The following EFCAB6 variants were observed in gnomAD, a reference collection of about 807,000 sequenced individuals.
EFCAB6 encodes EF-hand calcium binding domain 6.
In EFCAB6, 156 loss-of-function variants were observed where a neutral mutation model predicts 169.8. The ratio of observed to expected loss-of-function variants is 0.92; its 90% confidence interval spans 0.81 to 1.05. EFCAB6 has a LOEUF of 1.05. Ranked by LOEUF, EFCAB6 falls within the 50% of genes least tolerant of loss-of-function variation. The pLI, the probability that EFCAB6 is intolerant of heterozygous loss-of-function variation, is 0.00. For missense variants in EFCAB6, 1,800 were observed against 1,829.1 expected (o/e 0.98, Z 0.29); for synonymous variants, 698 against 676.4 (o/e 1.03, Z -0.50).
intron 2 of EFCAB6, among the ~76,000 whole-genome samples, chr22:43,790,861 A>G (rs377035903): frequency 4.6e-5 from 7 of 152,350 alleles, no homozygotes; most frequent in Admixed American, 6.5e-5. Context: ...ATCAGATTCC[A>G]GCCACATTCT....
Position 43,596,816 on chromosome 22 carries a change from A to G in EFCAB6, c.2876+3253T>C, listed in dbSNP as rs2052047669. ...AAAGCAATCCTAAGCAAAAAGAACA[A>G]AGCTAGAGGCATCACGCTACCTGAT... On this transcript the variant is annotated intron_variant, in intron 23 of 31. Coordinates refer to ENST00000262726, the MANE Select transcript of EFCAB6 (RefSeq NM_022785.4). Among the ~76,000 whole-genome samples the G allele has an allele frequency of 2.6e-5, 4 of 152,176 alleles. No individual in the cohort carries two copies. The South Asian group carries it at 8.3e-4, about 32-fold the overall frequency.
chr22:43,673,072 T>TG (rs1404935613), intron 13 of EFCAB6, among the ~76,000 whole-genome samples: 6 of 152,004 alleles, frequency 3.9e-5, no homozygotes, highest in Admixed American at 3.9e-4. Context: ...ATGGTGGGAG[T>TG]GTAAACTGAT....
chr22:43,744,080 GATGAATGATGAATGA>G lies in EFCAB6; in HGVS notation c.508-8102_508-8088del, dbSNP rs369172834. 0.01 allele frequency among the ~76,000 whole-genome samples: 1,504 copies of G among 146,796 alleles called. 32 individuals carry two copies. Among genetic ancestry groups the G allele is most frequent in the African/African-American group, 0.036 (1,439 of 40,064 alleles). ...GCATGGATGGATGAACGGATGAATG[GATGAATGATGAATGA>G]ATGAATGAATGAATGAATGGATGGG... On this transcript the variant is annotated intron_variant, in intron 6 of 31. Coordinates refer to ENST00000262726, the MANE Select transcript of EFCAB6 (RefSeq NM_022785.4). This position sits in a 1 kb window ranked among gnomAD's most constrained non-coding sequence, Gnocchi z 4.3.
chr22:43,807,036 C>T (rs558379668), intron 2 of EFCAB6, among the ~76,000 whole-genome samples: 1 of 152,320 alleles, frequency 6.6e-6, no homozygotes, highest in Admixed American at 6.5e-5. Flanking sequence ...TTCTCTGCTT[C>T]CAGACCTTTA....
At chr22:43,663,686 G>A (rs1045865635) in intron 17 of EFCAB6, among the ~76,000 whole-genome samples, 5 of 152,194 alleles carry the variant, frequency 3.3e-5, no homozygotes, top group African/African-American at 9.7e-5. Flanking sequence ...GTTATGGACT[G>A]AATGTTTGTG....
chr22:43,671,630 GAA>G (rs938438708), intron 15 of EFCAB6, among the ~76,000 whole-genome samples: 2 of 152,112 alleles, frequency 1.3e-5, no homozygotes, highest in African/African-American at 4.8e-5. Flanking sequence ...AGAAATGAAG[GAA>G]AAAGAGAGCT....
intron 7 of EFCAB6, among the ~76,000 whole-genome samples, chr22:43,732,208 G>C (rs553995141): frequency 9.9e-5 from 15 of 152,210 alleles, no homozygotes; most frequent in African/African-American, 3.6e-4. Context: ...TAATTGTAGG[G>C]AAATGAGTCA....
intron 13 of EFCAB6, among the ~76,000 whole-genome samples, chr22:43,672,934 CA>C (rs1205973368): frequency 2.6e-5 from 4 of 151,828 alleles, no homozygotes; most frequent in Non-Finnish European, 5.9e-5. Flanking sequence ...AATAAACACA[CA>C]AAAAAACCCA....
chr22:43,563,090 G>A (rs879683614), intron 26 of EFCAB6, among the ~76,000 whole-genome samples: 4 of 152,196 alleles, frequency 2.6e-5, no homozygotes, highest in Admixed American at 1.3e-4. Flanking sequence ...CACAGGGTGC[G>A]CTCCTGAGCA....
chr22:43,739,642 C>T lies in EFCAB6; in HGVS notation c.508-3649G>A, dbSNP rs1209455365. 3.3e-5 allele frequency among the ~76,000 whole-genome samples: 5 copies of T among 152,278 alleles called. 1 individual carries two copies. In the South Asian group the frequency reaches 8.3e-4, roughly 25 times the overall value. ...GGTTTACCAAACCCAAGCTGCTCTA[C>T]CCACAGTCTCCCATCCCAATAAATG... is the stretch of plus-strand genomic sequence containing the variant. On this transcript the variant is annotated intron_variant, in intron 6 of 31. Transcript: ENST00000262726.
chr22:43,605,755 G>A (rs1364552217), intron 22 of EFCAB6, among the ~76,000 whole-genome samples: 2 of 152,168 alleles, frequency 1.3e-5, no homozygotes, highest in African/African-American at 4.8e-5. Flanking sequence ...GCTTAAAATT[G>A]GTGAAGATGG....
At chr22:43,764,753 C>T (rs886755636) in intron 5 of EFCAB6, among the ~76,000 whole-genome samples, 2 of 151,912 alleles carry the variant, frequency 1.3e-5, no homozygotes, top group African/African-American at 4.8e-5. Flanking sequence ...CTAAATCATA[C>T]ACTAAAATAA....
At chr22:43,667,706 A>C (rs1484647789) in intron 16 of EFCAB6, among the ~76,000 whole-genome samples, 1 of 152,190 alleles carries the variant, frequency 6.6e-6, no homozygotes, top group Non-Finnish European at 1.5e-5. Context: ...TTTTGTGGTA[A>C]CTAGATCAAG....
intron 20 of EFCAB6, among the ~76,000 whole-genome samples, chr22:43,624,533 G>C (rs906483364): frequency 5.9e-5 from 9 of 152,102 alleles, no homozygotes; most frequent in Non-Finnish European, 1.2e-4. Flanking sequence ...GCCTGCCTCT[G>C]TGATCTCGCA....
intron 27 of EFCAB6, among the ~76,000 whole-genome samples, chr22:43,546,204 C>A (rs970109572): frequency 5.3e-5 from 8 of 152,106 alleles, no homozygotes; most frequent in African/African-American, 1.9e-4. Context: ...TAAACAAACA[C>A]ATACACTTCC....
At chr22:43,600,617 T>C (rs1329228563) in intron 22 of EFCAB6, among the ~76,000 whole-genome samples, 1 of 151,880 alleles carries the variant, frequency 6.6e-6, no homozygotes, top group Admixed American at 6.6e-5. Context: ...CTACAGAAAA[T>C]TAAAGTCAAC....
At chr22:43,803,944 G>A (rs577853705) in intron 2 of EFCAB6, among the ~76,000 whole-genome samples, 1 of 152,220 alleles carries the variant, frequency 6.6e-6, no homozygotes, top group South Asian at 2.1e-4. Context: ...AAACTCCTGG[G>A]CTCAAGTGAT....
chr22:43,538,540 C>A (rs1453899642), intron 28 of EFCAB6, among the ~76,000 whole-genome samples: 1 of 152,196 alleles, frequency 6.6e-6, no homozygotes, highest in Admixed American at 6.5e-5. Context: ...AGGCGCCCAC[C>A]ACCATGCCTG....
intron 20 of EFCAB6, among the ~76,000 whole-genome samples, chr22:43,625,743 C>G (rs1386197387): frequency 1.3e-5 from 2 of 152,236 alleles, no homozygotes; most frequent in Non-Finnish European, 2.9e-5. Context: ...CAGTGCCCAT[C>G]AATTACTACA....
Sources: gnomAD v4.1 joint callset for allele counts (sites outside exome capture counted in the v4.1 genomes callset) on GRCh38, gnomAD v4.1.1 for gene constraint, Gnocchi (gnomAD v3.1) non-coding constraint, MANE v1.5 for transcripts, NCBI Gene and HGNC (gene_info 2026-07-23, HGNC 2026-07-21) for gene names.